PAIP2B: variants seen among roughly 807,000 people sequenced by gnomAD.
PAIP2B encodes the protein polyadenylate-binding protein-interacting protein 2B.
PAIP2B carries 13 observed loss-of-function variants against 17.0 expected under a neutral mutation model. The ratio of observed to expected loss-of-function variants is 0.76; its 90% CI spans 0.50 to 1.22. The LOEUF is 1.22. PAIP2B is among the 50% of genes most tolerant of loss of function. The probability of loss-of-function intolerance (pLI) is 0.00; values close to 1 mark genes in which losing one functional copy is unlikely to be tolerated. For synonymous variants in PAIP2B, 43 were observed against 48.7 expected (o/e 0.88, Z 0.48); for missense variants, 117 against 144.5 (o/e 0.81, Z 0.98).
intron 2 of PAIP2B, among the ~76,000 whole-genome samples, chr2:71,191,540 C>G (rs1171216797): frequency 1.3e-5 from 2 of 152,244 alleles, no homozygotes; most frequent in Non-Finnish European, 2.9e-5. Flanking sequence ...AAATTGCTGT[C>G]TGTCCCCTTT....
chr2:71,214,353 A>G (rs1383385244), intron 1 of PAIP2B, among the ~76,000 whole-genome samples: 1 of 152,214 alleles, frequency 6.6e-6, no homozygotes, highest in African/African-American at 2.4e-5. Flanking sequence ...GCTGAAGAAA[A>G]ATGCTATTCA....
chr2:71,201,449 T>C (rs992373708), intron 2 of PAIP2B, among the ~76,000 whole-genome samples: 2 of 151,892 alleles, frequency 1.3e-5, no homozygotes, highest in East Asian at 1.9e-4. Flanking sequence ...AGTGGTGCGA[T>C]TGGCTCACTG....
chr2:71,215,792 CAAT>C (rs1410732251), intron 1 of PAIP2B, among the ~76,000 whole-genome samples: 1 of 152,190 alleles, frequency 6.6e-6, no homozygotes, highest in Non-Finnish European at 1.5e-5. Flanking sequence ...TCTGTGCTGA[CAAT>C]AATAACAATA....
chr2:71,217,158 C>A (rs537512883), intron 1 of PAIP2B, among the ~76,000 whole-genome samples: 1 of 152,146 alleles, frequency 6.6e-6, no homozygotes, highest in Admixed American at 6.5e-5. Context: ...TTTTTTGAGA[C>A]GGAGTCTCAC....
chr2:71,188,557 A>C, intron 3 of PAIP2B, 22 bp from the exon 4 acceptor site: 1 of 1,589,024 alleles, frequency 6.3e-7, no homozygotes, highest in Non-Finnish European at 8.6e-7. Context: ...ACCAAGAGAT[A>C]GTAAATCCTA....
At chr2:71,219,918 T>C (rs1380242287) in intron 1 of PAIP2B, among the ~76,000 whole-genome samples, 3 of 152,224 alleles carry the variant, frequency 2.0e-5, no homozygotes, top group African/African-American at 7.2e-5. Flanking sequence ...GCATACCATA[T>C]ACACTATGCC....
chr2:71,209,912 C>T (rs1675249850), intron 1 of PAIP2B, among the ~76,000 whole-genome samples: 1 of 152,070 alleles, frequency 6.6e-6, no homozygotes, highest in Admixed American at 6.6e-5. Flanking sequence ...GCAACCTCCA[C>T]CTCCTGGGTT....
At chr2:71,196,996 G>A (rs1674838505) in intron 2 of PAIP2B, among the ~76,000 whole-genome samples, 1 of 152,090 alleles carries the variant, frequency 6.6e-6, no homozygotes, top group Non-Finnish European at 1.5e-5. Flanking sequence ...TTTAAGTGAG[G>A]CATTTAGCTC....
intron 1 of PAIP2B, among the ~76,000 whole-genome samples, chr2:71,223,838 C>G (rs1463942284): frequency 6.6e-6 from 1 of 152,190 alleles, no homozygotes; most frequent in Non-Finnish European, 1.5e-5. Flanking sequence ...TACAAACTAT[C>G]AAATAAGCTA....
Position 71,188,389 on chromosome 2 carries a change from C to T in PAIP2B, c.*90G>A. 8.5e-7 allele frequency: 1 copy of T among 1,176,068 alleles called. No individual in the cohort carries two copies. The allele number at this position is 1,176,068 out of a possible 1,614,324, so 72.9% of individuals were successfully genotyped here. The stretch of plus-strand genomic sequence containing the variant: ...CCCCTTCCCGCTGTGCACCCCTCGC[C>T]CGCCCCATCCCCCTCTTCAGCTCCA... On this transcript the variant is annotated 3_prime_UTR_variant, in exon 4 of 4. Transcript: ENST00000244221.
intron 2 of PAIP2B, among the ~76,000 whole-genome samples, chr2:71,192,787 C>T (rs373638055): frequency 9.9e-4 from 151 of 152,270 alleles, no homozygotes; most frequent in African/African-American, 3.3e-3. Context: ...TTTATGGCTG[C>T]GTAATATTCC....
chr2:71,194,442 T>G (rs2103763310), intron 2 of PAIP2B, among the ~76,000 whole-genome samples: 1 of 146,966 alleles, frequency 6.8e-6, no homozygotes, highest in Non-Finnish European at 1.5e-5. Flanking sequence ...ACCTCCCTGG[T>G]TAGCTGTATT....
chr2:71,207,617 G>C (rs972388467), intron 1 of PAIP2B, among the ~76,000 whole-genome samples: 1 of 152,156 alleles, frequency 6.6e-6, no homozygotes. Context: ...GACTGGTAAG[G>C]CAGCTATTGC....
intron 1 of PAIP2B, among the ~76,000 whole-genome samples, chr2:71,207,803 T>C (rs566092602): frequency 6.6e-5 from 10 of 152,266 alleles, no homozygotes; most frequent in African/African-American, 2.4e-4. Context: ...GGATTGGTAA[T>C]GTCATTCACT....
intron 1 of PAIP2B, among the ~76,000 whole-genome samples, chr2:71,206,878 G>A (rs1316847895): frequency 6.6e-6 from 1 of 152,124 alleles, no homozygotes; most frequent in African/African-American, 2.4e-5. Flanking sequence ...CTTCAGTCTG[G>A]TTAATACCAT....
chr2:71,218,933 T>TG (rs1178568267), intron 1 of PAIP2B, among the ~76,000 whole-genome samples: 1 of 150,512 alleles, frequency 6.6e-6, no homozygotes, highest in East Asian at 1.9e-4. Context: ...TTTTTTTTTT[T>TG]GAGATGGAGT....
At chr2:71,189,604 G>T (rs1017273424) in intron 3 of PAIP2B, among the ~76,000 whole-genome samples, 1 of 152,146 alleles carries the variant, frequency 6.6e-6, no homozygotes, top group African/African-American at 2.4e-5. Flanking sequence ...GGTTGGTGGC[G>T]TCCAATCTTG....
chr2:71,196,618 A>G (rs749486572), intron 2 of PAIP2B, among the ~76,000 whole-genome samples: 19 of 152,084 alleles, frequency 1.2e-4, no homozygotes, highest in Non-Finnish European at 2.5e-4. Context: ...GAAGTCTCAC[A>G]TTATTAATAT....
intron 2 of PAIP2B, among the ~76,000 whole-genome samples, chr2:71,200,092 G>A (rs1381620743): frequency 6.6e-6 from 1 of 152,080 alleles, no homozygotes; most frequent in Admixed American, 6.5e-5. Context: ...CGAGTTTGGG[G>A]GGTTGTAAGC....
Sources: gnomAD v4.1 joint callset for allele counts (sites outside exome capture counted in the v4.1 genomes callset) on GRCh38, gnomAD v4.1.1 for gene constraint, MANE v1.5 for transcripts, NCBI Gene and HGNC (gene_info 2026-07-23, HGNC 2026-07-21) for gene names.